GGH: variants seen among roughly 807,000 people sequenced by gnomAD.
GGH encodes the protein gamma-glutamyl hydrolase, also known as gamma-Glu-X carboxypeptidase.
GGH carries 18 observed loss-of-function variants against 39.2 expected under a neutral mutation model. The ratio of observed to expected loss-of-function variants is 0.46; its 90% CI spans 0.32 to 0.68. The LOEUF is 0.68. Among genes scored for constraint, GGH ranks in the 30% least tolerant of loss-of-function variants. The pLI is 0.04. For synonymous variants in GGH, 147 were observed against 138.8 expected, an observed-to-expected ratio of 1.06 and a Z score of -0.42; for missense variants, 367 against 384.1, an observed-to-expected ratio of 0.96 and a Z score of 0.37.
At chr8:63,025,292 T>G (rs892869075) in intron 5 of GGH, 24 of 152,148 alleles carry the variant, frequency 1.6e-4, no homozygotes, top group Non-Finnish European at 4.4e-5. Context: ...GATTAGAAAG[T>G]TGAAACTTCG....
At chr8:63,017,059 T>C (rs1585664555) in intron 8 of GGH, among the ~76,000 whole-genome samples, 1 of 152,110 alleles carries the variant, frequency 6.6e-6, no homozygotes, top group Non-Finnish European at 1.5e-5. Flanking sequence ...GGTGTGGTAG[T>C]CTGCACCTGT....
intron 7 of GGH, among the ~76,000 whole-genome samples, chr8:63,020,325 C>A (rs146883602): frequency 6.6e-6 from 1 of 152,238 alleles, no homozygotes; most frequent in African/African-American, 2.4e-5. Context: ...AAAAGCAGAA[C>A]CAACATGGAA....
At chr8:63,029,675 TAGA>T (rs1804766488) in intron 3 of GGH, among the ~76,000 whole-genome samples, 1 of 152,102 alleles carries the variant, frequency 6.6e-6, no homozygotes, top group Non-Finnish European at 1.5e-5. Flanking sequence ...ACAGGCCCCA[TAGA>T]GTATAAGCAA....
chr8:63,027,411 A>G (rs1027975248), intron 3 of GGH, 146 bp from the exon 4 acceptor site: 3 of 522,212 alleles, frequency 5.7e-6, no homozygotes, highest in Non-Finnish European at 1.0e-5. Context: ...AAGTAAAGAA[A>G]AAAGAAAATA....
At chr8:63,019,980 T>C (rs1285586945) in intron 7 of GGH, among the ~76,000 whole-genome samples, 1 of 152,210 alleles carries the variant, frequency 6.6e-6, no homozygotes, top group African/African-American at 2.4e-5. Flanking sequence ...AACTAAAAGG[T>C]TGGTATCATC....
intron 1 of GGH, 24 bp downstream of exon 1, chr8:63,038,636 T>C: frequency 2.3e-6 from 3 of 1,282,808 alleles, no homozygotes; most frequent in Non-Finnish European, 3.2e-6. Flanking sequence ...CCCCGTCTGC[T>C]GCGGCCCCGC....
intron 5 of GGH, 65 bp downstream of exon 5, chr8:63,026,093 A>G (rs931545133): frequency 7.0e-6 from 9 of 1,293,058 alleles, no homozygotes; most frequent in African/African-American, 3.1e-5. Context: ...TTTTACTTTC[A>G]TATTTGCTAC....
Position 63,029,734 on chromosome 8 carries a change from TG to T in GGH, c.275+432del, listed in dbSNP as rs561324759. On this transcript the variant is annotated intron_variant, in intron 3 of 8. Transcript: ENST00000260118. Reference sequence around the variant, plus strand: ...ATGGTAATTAAATGTTTTTGATTGCTGTAATTAGCCTTCTTTCCTAAAATTA... The same window carrying T: ...ATGGTAATTAAATGTTTTTGATTGCTTAATTAGCCTTCTTTCCTAAAATTA... 3.9e-5 allele frequency among the ~76,000 whole-genome samples: 6 copies of T among 152,242 alleles called. No homozygotes were observed. In the South Asian group the frequency reaches 1.2e-3, roughly 32 times the overall value.
intron 1 of GGH, 104 bp downstream of exon 1, chr8:63,038,556 G>A: frequency 1.8e-6 from 1 of 566,092 alleles, no homozygotes; most frequent in South Asian, 2.9e-5. Context: ...ACATCTGGGG[G>A]TTTTTCCCGG....
intron 2 of GGH, 150 bp downstream of exon 2, chr8:63,035,506 A>G: frequency 9.0e-7 from 1 of 1,106,794 alleles, no homozygotes; most frequent in Non-Finnish European, 1.2e-6. Flanking sequence ...GGGCTTCACC[A>G]GGTTGGCCTG....
rs777554108 is a variant in GGH at position 63,038,726 on chromosome 8, G to A, written c.43C>T (p.Leu15Phe). Residue 15 changes from leucine (L) to phenylalanine (F), a missense_variant, in exon 1 of 9, where the codon CTC (leucine) becomes TTC (phenylalanine). Coordinates refer to ENST00000260118, the MANE Select transcript of GGH (RefSeq NM_003878.3). ...AGCTCGAGGCTCGCCGCCCCGCAGA[G>A]TAGCAGGCCCAGCACGCACAGCAGG... ...GCLLCVLGLL[L>F]CGAASLELSR... 5.7e-6 allele frequency: 9 copies of A among 1,584,924 alleles called. No homozygotes were observed. The highest frequency in any genetic ancestry group is 7.7e-6 in the Non-Finnish European group (9 of 1,166,978).
At chr8:63,036,210 C>A (rs1804905319) in intron 1 of GGH, among the ~76,000 whole-genome samples, 1 of 152,180 alleles carries the variant, frequency 6.6e-6, no homozygotes, top group South Asian at 2.1e-4. Context: ...TCAATATCTA[C>A]CCTCTCCCCA....
intron 8 of GGH, among the ~76,000 whole-genome samples, chr8:63,016,127 C>T (rs1344925070): frequency 6.6e-6 from 1 of 152,086 alleles, no homozygotes; most frequent in Non-Finnish European, 1.5e-5. Context: ...GTGAGAGCTC[C>T]TAAAGCTCCC....
At chr8:63,015,956 T>G (rs374685984) in intron 8 of GGH, among the ~76,000 whole-genome samples, 1 of 152,184 alleles carries the variant, frequency 6.6e-6, no homozygotes, top group Non-Finnish European at 1.5e-5. Flanking sequence ...TTATGGTATA[T>G]GGTGTATCAT....
chr8:63,017,528 GT>G lies in GGH; in HGVS notation c.799del (p.Thr267ProfsTer5). The G allele has an allele frequency of 6.2e-7, 1 of 1,611,052 alleles. No individual in the cohort carries two copies. The highest frequency in any genetic ancestry group is 1.7e-4 in the Middle Eastern group (1 of 6,050). On this transcript the variant is annotated frameshift_variant, in exon 8 of 9. Transcript: ENST00000260118. LOFTEE classifies it high-confidence loss of function. The stretch of plus-strand genomic sequence containing the variant: ...AAAAAACTCTGCTAAATAAAATGCG[GT>G]TTTCACAGCATTAGGTGCATGGGAA... ...GISHAPNAVK[T>X]AFYLAEFFVN...
Position 63,035,809 on chromosome 8 carries a change from TTTC to T in GGH, c.110-42_110-40del, listed in dbSNP as rs754272209. On this transcript the variant is annotated intron_variant, in intron 1 of 8. Transcript: ENST00000260118. ...AAAGTTTAGTTTCAAGCAAATTCCT[TTTC>T]TTCTTGCTCAGAAACTGAAATATAT... is the stretch of plus-strand genomic sequence containing the variant. 10 of 1,533,790 alleles carry T rather than the reference TTTC, an allele frequency of 6.5e-6. No individual in the cohort carries two copies. The Admixed American group carries it at 1.8e-4, about 28-fold the overall frequency.
intron 2 of GGH, among the ~76,000 whole-genome samples, chr8:63,031,840 C>G (rs1401642956): frequency 1.3e-5 from 2 of 152,160 alleles, no homozygotes. Context: ...GTATGAGGAA[C>G]AGTTTACTCT....
intron 7 of GGH, among the ~76,000 whole-genome samples, chr8:63,018,483 T>C (rs1804527238): frequency 6.6e-6 from 1 of 152,132 alleles, no homozygotes; most frequent in African/African-American, 2.4e-5. Flanking sequence ...TATCTAGGGG[T>C]AAGAGCACTG....
Position 63,015,311 on chromosome 8 carries a change from CT to C in GGH, c.*20del, listed in dbSNP as rs756594349. Reference sequence around the variant, plus strand: ...AATCATGGAATTATTCAAATTTGCTCTGTTAACAAATTGAAGACTTTCAATC... The same window carrying C: ...AATCATGGAATTATTCAAATTTGCTCGTTAACAAATTGAAGACTTTCAATC... On this transcript the variant is annotated 3_prime_UTR_variant, in exon 9 of 9. Coordinates refer to ENST00000260118, the MANE Select transcript of GGH (RefSeq NM_003878.3). 1 of 1,251,172 alleles carries C rather than the reference CT, an allele frequency of 8.0e-7. No homozygotes were observed. Among genetic ancestry groups the C allele is most frequent in the Admixed American group, 2.2e-5 (1 of 44,542 alleles). The allele number at this position is 1,251,172 out of a possible 1,614,324, so 77.5% of individuals were successfully genotyped here.
Sources: allele counts gnomAD v4.1 joint callset (sites outside exome capture counted in the v4.1 genomes callset), GRCh38; gene constraint gnomAD v4.1.1; transcripts MANE v1.5; gene names NCBI Gene and HGNC (gene_info 2026-07-23, HGNC 2026-07-21).